ATRX: variants seen among roughly 807,000 people sequenced by gnomAD.
ATRX encodes the protein ATRX chromatin remodeler.
Under a neutral mutation model 172.6 loss-of-function variants are expected in ATRX, and 12 were observed. The ratio of observed to expected loss-of-function variants is 0.07; its 90% confidence interval spans 0.04 to 0.11. ATRX has a LOEUF of 0.11. ATRX is among the 10% of genes least tolerant of loss of function. The pLI is 1.00. For synonymous variants in ATRX, 674 were observed against 594.7 expected, an observed-to-expected ratio of 1.13 and a Z score of -1.94; for missense variants, 1,368 against 1,767.4, an observed-to-expected ratio of 0.77 and a Z score of 4.05.
intron 1 of ATRX, among the ~76,000 whole-genome samples, chrX:77,785,462 G>A (rs1393410764): frequency 9.2e-6 from 1 of 109,154 alleles, no homozygotes; most frequent in African/African-American, 3.3e-5. Flanking sequence ...GTCTCCTGGG[G>A]CTGCAGAAAA....
At chrX:77,687,152 C>CAA (rs146268162) in intron 7 of ATRX, among the ~76,000 whole-genome samples, 18 of 39,353 alleles carry the variant, frequency 4.6e-4, no homozygotes, top group Non-Finnish European at 6.7e-4. Flanking sequence ...GACTCCGTCT[C>CAA]AAAAAAAAAA....
chrX:77,550,034 A>T (rs1005533405), intron 30 of ATRX, among the ~76,000 whole-genome samples: 4 of 112,551 alleles, frequency 3.6e-5, no homozygotes, highest in Admixed American at 9.4e-5. Context: ...GTGGTGAATG[A>T]AGCTAAGATA....
intron 6 of ATRX, among the ~76,000 whole-genome samples, chrX:77,693,470 T>C (rs1191710842): frequency 2.7e-5 from 3 of 112,011 alleles, no homozygotes; most frequent in African/African-American, 9.7e-5. Context: ...CAACTCTAAA[T>C]ATATATAAAG....
chrX:77,688,742 C>G (rs1557145387), intron 7 of ATRX, 76 bp downstream of exon 7: 1 of 827,534 alleles, frequency 1.2e-6, no homozygotes, highest in African/African-American at 2.0e-5. Context: ...TTCTTCAAGA[C>G]TGTGCCCTCA....
chrX:77,548,118 C>T (rs1602483086), intron 30 of ATRX, among the ~76,000 whole-genome samples: 1 of 111,558 alleles, frequency 9.0e-6, no homozygotes, highest in Non-Finnish European at 1.9e-5. Context: ...AGAAAGCTTA[C>T]ATGGTTTGCC....
chrX:77,576,787 C>A (rs1348855841), intron 27 of ATRX, among the ~76,000 whole-genome samples: 3 of 111,608 alleles, frequency 2.7e-5, no homozygotes, highest in Non-Finnish European at 5.6e-5. Flanking sequence ...CCCTTACCCA[C>A]AGGCCCTGGC....
chrX:77,697,087 TG>T (rs1368918667), intron 4 of ATRX, among the ~76,000 whole-genome samples: 7 of 112,236 alleles, frequency 6.2e-5, no homozygotes, highest in Non-Finnish European at 1.3e-4. Context: ...CATAGTATAT[TG>T]GGTACTACAT....
chrX:77,607,708 CAAA>C (rs35946932), intron 22 of ATRX, among the ~76,000 whole-genome samples: 13 of 41,160 alleles, frequency 3.2e-4, no homozygotes, highest in African/African-American at 8.6e-4. Context: ...GACTCTGTCT[CAAA>C]AAAAAAAAAA....
At position 77,505,776 on chromosome X, in the gene ATRX, T is replaced by C. The variant is rs1415408620; in HGVS notation, c.*2575A>G. The C allele has an allele frequency of 5.2e-5, 9 of 171,721 alleles. No homozygotes were observed. Among genetic ancestry groups the C allele is most frequent in the Non-Finnish European group, 1.0e-4 (9 of 89,647 alleles). The allele number at this position is 171,721 out of a possible 1,213,427, so 14.2% of individuals were successfully genotyped here. Reference sequence around the variant, plus strand: ...TAAGTTTCAACTACTAAACAGCACTTTGAATGGTGAAAACACAGATAGTAT... The same window carrying C: ...TAAGTTTCAACTACTAAACAGCACTCTGAATGGTGAAAACACAGATAGTAT... On this transcript the variant is annotated 3_prime_UTR_variant, in exon 35 of 35. Coordinates refer to ENST00000373344, the MANE Select transcript of ATRX (RefSeq NM_000489.6).
At chrX:77,611,474 C>A (rs1254821187) in intron 22 of ATRX, among the ~76,000 whole-genome samples, 2 of 111,532 alleles carry the variant, frequency 1.8e-5, no homozygotes, top group African/African-American at 6.5e-5. Context: ...ATTATACATT[C>A]TTTTCCCAGC....
At chrX:77,748,768 G>A (rs2075189546) in intron 1 of ATRX, among the ~76,000 whole-genome samples, 2 of 109,080 alleles carry the variant, frequency 1.8e-5, no homozygotes, top group Non-Finnish European at 3.8e-5. Flanking sequence ...TATATTTTTA[G>A]TAGAGATGGG....
chrX:77,605,406 T>G (rs781848554), intron 22 of ATRX, among the ~76,000 whole-genome samples: 5 of 110,773 alleles, frequency 4.5e-5, no homozygotes, highest in Non-Finnish European at 9.5e-5. Flanking sequence ...CCAGCCTGGG[T>G]GATGGAGCAA....
At chrX:77,762,304 CAAAAAAAAAA>C (rs782237740) in intron 1 of ATRX, among the ~76,000 whole-genome samples, 1 of 23,410 alleles carries the variant, frequency 4.3e-5, no homozygotes, top group African/African-American at 1.6e-4. Context: ...GACTCTGTCT[CAAAAAAAAAA>C]AAAAAAAAAA....
intron 28 of ATRX, among the ~76,000 whole-genome samples, chrX:77,566,547 G>A (rs1557064640): frequency 8.9e-6 from 1 of 112,093 alleles, no homozygotes; most frequent in Non-Finnish European, 1.9e-5. Context: ...GAGCTCAGGA[G>A]TTCAAGACCA....
chrX:77,662,448 G>A (rs1296808238), intron 12 of ATRX, among the ~76,000 whole-genome samples: 4 of 111,686 alleles, frequency 3.6e-5, no homozygotes, highest in African/African-American at 1.3e-4. Flanking sequence ...CTACAGGAAA[G>A]CACTAATTCT....
At chrX:77,757,104 C>G (rs904547411) in intron 1 of ATRX, among the ~76,000 whole-genome samples, 5 of 110,825 alleles carry the variant, frequency 4.5e-5, no homozygotes, top group Admixed American at 9.6e-5. Flanking sequence ...TTGATATATA[C>G]ATCATATCAT....
At chrX:77,591,474 T>A (rs1364188209) in intron 26 of ATRX, among the ~76,000 whole-genome samples, 1 of 112,538 alleles carries the variant, frequency 8.9e-6, no homozygotes, top group Admixed American at 9.4e-5. Flanking sequence ...AAGGTACTTA[T>A]GACTCCTGAA....
intron 1 of ATRX, among the ~76,000 whole-genome samples, chrX:77,744,569 A>G (rs2074992626): frequency 8.9e-6 from 1 of 111,960 alleles, no homozygotes; most frequent in Admixed American, 9.5e-5. Flanking sequence ...AAAATCCCAG[A>G]TAAAATATTC....
At chrX:77,675,314 AAT>A (rs1290430246) in intron 10 of ATRX, 4 of 111,564 alleles carry the variant, frequency 3.6e-5, no homozygotes, top group Non-Finnish European at 7.5e-5. Context: ...TTTCTTCTTA[AAT>A]ATAGTAAATT....
Sources: allele counts gnomAD v4.1 joint callset (sites outside exome capture counted in the v4.1 genomes callset), GRCh38; gene constraint gnomAD v4.1.1; transcripts MANE v1.5; gene names NCBI Gene and HGNC (gene_info 2026-07-23, HGNC 2026-07-21).